Variants in RBPJ observed in about 807,000 individuals in gnomAD.
RBPJ encodes recombination signal binding protein for immunoglobulin kappa J region, also known as recombining binding protein suppressor of hairless.
A neutral mutation model predicts 67.8 loss-of-function variants in RBPJ; 9 were observed. That is an observed-to-expected ratio of 0.13 (90% CI 0.08 to 0.23). The LOEUF (loss-of-function observed/expected upper bound fraction) is 0.23, where lower values mean the gene tolerates loss of function less well. RBPJ is among the 10% of genes least tolerant of loss of function. The pLI, the probability that RBPJ is intolerant of heterozygous loss-of-function variation, is 1.00. For missense variants in RBPJ, 305 were observed against 595.6 expected (o/e 0.51, Z 5.08); for synonymous variants, 198 against 203.3 (o/e 0.97, Z 0.22).
chr4:26,408,719 CAG>C (rs1278309869), intron 3 of RBPJ, among the ~76,000 whole-genome samples: 1 of 152,170 alleles, frequency 6.6e-6, no homozygotes, highest in Non-Finnish European at 1.5e-5. Context: ...ATCTGAAAAT[CAG>C]AGACTTTAAA....
chr4:26,330,016 C>T (rs1724067998), intron 1 of RBPJ, among the ~76,000 whole-genome samples: 1 of 152,070 alleles, frequency 6.6e-6, no homozygotes, highest in Admixed American at 6.6e-5. Flanking sequence ...TGGGGTACAC[C>T]CCCTTCAGAA....
intron 1 of RBPJ, among the ~76,000 whole-genome samples, chr4:26,175,751 G>T (rs1159788480): frequency 6.6e-6 from 1 of 152,186 alleles, no homozygotes; most frequent in Non-Finnish European, 1.5e-5. Flanking sequence ...TATTCTCCAT[G>T]GTCTTTGAAG....
intron 2 of RBPJ, among the ~76,000 whole-genome samples, chr4:26,386,640 A>G (rs1730946987): frequency 6.6e-6 from 1 of 152,214 alleles, no homozygotes; most frequent in African/African-American, 2.4e-5. Flanking sequence ...TTATGTAGTG[A>G]ATACAACATG....
intron 1 of RBPJ, among the ~76,000 whole-genome samples, chr4:26,191,204 T>TAGAGAG (rs1445537450): frequency 5.6e-3 from 178 of 31,798 alleles, no homozygotes; most frequent in Non-Finnish European, 7.8e-3. Context: ...TATATATATA[T>TAGAGAG]ATATATAGAG....
chr4:26,221,251 C>G (rs1327647311), intron 1 of RBPJ, among the ~76,000 whole-genome samples: 1 of 152,068 alleles, frequency 6.6e-6, no homozygotes, highest in South Asian at 2.1e-4. Context: ...CCACCACGCC[C>G]GGCTAATTTT....
intron 8 of RBPJ, among the ~76,000 whole-genome samples, 155 bp downstream of exon 8, chr4:26,429,015 A>G (rs1401966043): frequency 6.6e-6 from 1 of 152,230 alleles, no homozygotes. Context: ...TTAACACACA[A>G]TCCTCAGACA....
At chr4:26,344,127 G>T (rs1725865441) in intron 1 of RBPJ, among the ~76,000 whole-genome samples, 1 of 151,966 alleles carries the variant, frequency 6.6e-6, no homozygotes, top group African/African-American at 2.4e-5. Context: ...CAAGTGATCC[G>T]CCAACCTCAG....
At chr4:26,413,385 C>A (rs910049609) in intron 3 of RBPJ, among the ~76,000 whole-genome samples, 2 of 152,196 alleles carry the variant, frequency 1.3e-5, no homozygotes, top group Admixed American at 1.3e-4. Flanking sequence ...ATACTTATCA[C>A]CAGCTAATGG....
chr4:26,340,018 A>G (rs1189488850), intron 1 of RBPJ, among the ~76,000 whole-genome samples: 1 of 145,256 alleles, frequency 6.9e-6, no homozygotes, highest in Non-Finnish European at 1.5e-5. Context: ...GACTCCATCT[A>G]AAAAAAAAAA....
At chr4:26,420,191 A>G (rs1007479508) in intron 4 of RBPJ, among the ~76,000 whole-genome samples, 1 of 151,928 alleles carries the variant, frequency 6.6e-6, no homozygotes, top group African/African-American at 2.4e-5. Flanking sequence ...GGAGAAAGTC[A>G]TTGATTTTTT....
intron 1 of RBPJ, among the ~76,000 whole-genome samples, chr4:26,244,491 A>G (rs1350858320): frequency 6.7e-6 from 1 of 148,832 alleles, no homozygotes; most frequent in Non-Finnish European, 1.5e-5. Flanking sequence ...GTGTATACAT[A>G]TATGTGTGTA....
At chr4:26,258,977 G>A (rs972814740) in intron 1 of RBPJ, among the ~76,000 whole-genome samples, 4 of 151,934 alleles carry the variant, frequency 2.6e-5, no homozygotes, top group African/African-American at 9.7e-5. Flanking sequence ...CTAATTGTTT[G>A]TATTTCAGTA....
intron 1 of RBPJ, chr4:26,272,743 C>T (rs1313042333): frequency 1.1e-5 from 5 of 452,042 alleles, no homozygotes; most frequent in Non-Finnish European, 2.2e-5. Context: ...GGTGCACCAA[C>T]CATATTTGAA....
At position 26,342,027 on chromosome 4, in the gene RBPJ, A is replaced by C. The variant is rs552196217; in HGVS notation, c.20+20979A>C. On this transcript the variant is annotated intron_variant, in intron 1 of 10. Coordinates refer to ENST00000355476, the MANE Select transcript of RBPJ (RefSeq NM_015874.6). ...CAGTGGCTTGCAAAATTCAGCAGGC[A>C]TCAGAGTCACCTGGAGGGCTTGCTG... 7.9e-5 allele frequency among the ~76,000 whole-genome samples: 12 copies of C among 152,312 alleles called. No individual in the cohort carries two copies. The East Asian group carries it at 2.3e-3, about 29-fold the overall frequency.
chr4:26,126,204 C>G, the RBPJ span, among the ~76,000 whole-genome samples: 1 of 152,212 alleles, frequency 6.6e-6, no homozygotes, highest in South Asian at 2.1e-4. Flanking sequence ...GTGCCAGGCA[C>G]TAGGGATTTG....
chr4:26,165,526 T>C (rs560718683), intron 1 of RBPJ, among the ~76,000 whole-genome samples: 6 of 152,208 alleles, frequency 3.9e-5, no homozygotes, highest in African/African-American at 1.4e-4. Flanking sequence ...TATGAATAAA[T>C]GTAAAATGAT....
In RBPJ at chr4:26,415,134, G is replaced by A. The variant is rs78682694; in HGVS notation, c.156-341G>A. Among the ~76,000 whole-genome samples, 16 of 152,176 alleles carry A rather than the reference G, an allele frequency of 1.1e-4. No individual in the cohort carries two copies. In the East Asian group the frequency reaches 1.7e-3, roughly 16 times the overall value. On this transcript the variant is annotated intron_variant, in intron 3 of 10. Coordinates refer to ENST00000355476, the MANE Select transcript of RBPJ (RefSeq NM_015874.6). ...TTACAGATTTTTGTGGTGGTTTATC[G>A]TGTTTTGTAATATGTTAGAGTACAC...
intron 1 of RBPJ, among the ~76,000 whole-genome samples, chr4:26,281,414 G>A (rs535440255): frequency 6.6e-6 from 1 of 152,222 alleles, no homozygotes; most frequent in East Asian, 1.9e-4. Context: ...TAGTAGCTGG[G>A]ATTACAGGCA....
rs1720011188 is a variant in RBPJ, at chr4:26,248,967, A to G, written c.-167+85353A>G. 2.0e-5 allele frequency among the ~76,000 whole-genome samples: 3 copies of G among 152,360 alleles called. No homozygotes were observed. The South Asian group carries it at 6.2e-4, about 32-fold the overall frequency. Reference sequence around the variant, plus strand: ...ATAGGAAAGAATCTTACAGACTAATAGAAAGTCTTGATAATCAACTCCTAG... The same window carrying G: ...ATAGGAAAGAATCTTACAGACTAATGGAAAGTCTTGATAATCAACTCCTAG... On this transcript the variant is annotated intron_variant, in intron 1 of 4. Transcript: ENST00000512351.
Sources: allele counts gnomAD v4.1 joint callset (sites outside exome capture counted in the v4.1 genomes callset), GRCh38; gene constraint gnomAD v4.1.1; transcripts MANE v1.5; gene names NCBI Gene and HGNC (gene_info 2026-07-23, HGNC 2026-07-21).